Variants in DHX8 observed in about 807,000 individuals in gnomAD.
DHX8 encodes ATP-dependent RNA helicase DHX8.
DHX8 carries 67 observed loss-of-function variants against 140.7 expected under a neutral mutation model. The ratio of observed to expected loss-of-function variants is 0.48; its 90% CI spans 0.39 to 0.58. DHX8 has a LOEUF of 0.58. Ranked by LOEUF, DHX8 falls within the 20% of genes least tolerant of loss-of-function variation. The probability of loss-of-function intolerance (pLI) is 0.00; values close to 1 mark genes in which losing one functional copy is unlikely to be tolerated. For synonymous variants in DHX8, 533 were observed against 553.2 expected, an observed-to-expected ratio of 0.96 and a Z score of 0.51; for missense variants, 887 against 1,550.7, an observed-to-expected ratio of 0.57 and a Z score of 7.19.
chr17:43,528,476 C>G (rs781418149), downstream of DHX8: 5 of 1,353,500 alleles, frequency 3.7e-6, no homozygotes, highest in African/African-American at 2.9e-5. Context: ...TATATGTACA[C>G]AGGGCAGCAC....
chr17:43,529,191 A>C, downstream of DHX8: 1 of 1,613,926 alleles, frequency 6.2e-7, no homozygotes, highest in Non-Finnish European at 8.5e-7. Context: ...AGCTTGTCGT[A>C]ATTCATGGCT....
intron 12 of DHX8, 56 bp from the exon 13 acceptor site, chr17:43,506,947 C>T (rs114200706): frequency 7.5e-7 from 1 of 1,332,074 alleles, no homozygotes; most frequent in African/African-American, 1.5e-5. Flanking sequence ...TGTTTAATGA[C>T]CATATTTATA....
intron 2 of DHX8, chr17:43,532,713 C>A: frequency 6.2e-7 from 1 of 1,613,816 alleles, no homozygotes; most frequent in Admixed American, 1.7e-5. Flanking sequence ...TGTTTGATCA[C>A]CACCCCCGCC....
chr17:43,536,638 A>G (rs937151903), intron 3 of DHX8: 22 of 621,640 alleles, frequency 3.5e-5, no homozygotes, highest in Non-Finnish European at 5.7e-5. Context: ...GGCCACACAT[A>G]AAATACACAA....
intron 17 of DHX8, among the ~76,000 whole-genome samples, chr17:43,516,128 G>T (rs1970103240): frequency 6.6e-6 from 1 of 151,762 alleles, no homozygotes; most frequent in Non-Finnish European, 1.5e-5. Flanking sequence ...TTTCTTTCAT[G>T]GTTGCAATTT....
intron 17 of DHX8, among the ~76,000 whole-genome samples, chr17:43,515,677 C>T (rs988327479): frequency 6.6e-6 from 1 of 152,272 alleles, no homozygotes; most frequent in East Asian, 1.9e-4. Flanking sequence ...TAGCCTGGCT[C>T]CAGCTTGTAT....
Position 43,524,762 on chromosome 17 carries a change from A to T in DHX8, c.*915A>T, listed in dbSNP as rs1256375472. ...TTTTTTCCCCTGAGGTCCTGGATGG[A>T]CTTTAACAAAGGGATTTTATGGTCA... On this transcript the variant is annotated 3_prime_UTR_variant, in exon 23 of 23. Coordinates refer to ENST00000262415, the MANE Select transcript of DHX8 (RefSeq NM_004941.3). The T allele has an allele frequency of 1.8e-5, 18 of 985,104 alleles. No homozygotes were observed. Among genetic ancestry groups the T allele is most frequent in the Non-Finnish European group, 2.2e-5 (18 of 829,898 alleles). The allele number at this position is 985,104 out of a possible 1,614,324, so 61.0% of individuals were successfully genotyped here.
chr17:43,526,587 G>C, downstream of DHX8: 1 of 1,535,674 alleles, frequency 6.5e-7, no homozygotes, highest in South Asian at 1.2e-5. Flanking sequence ...ACTGGGACTG[G>C]TGACTTGTTA....
intron 3 of DHX8, among the ~76,000 whole-genome samples, chr17:43,543,190 T>G (rs796538392): frequency 9.5e-5 from 8 of 83,990 alleles, no homozygotes; most frequent in African/African-American, 3.7e-4. Context: ...CCCACCCCCC[T>G]CACCTCCGCC....
At chr17:43,515,344 A>G (rs1970051457) in intron 17 of DHX8, among the ~76,000 whole-genome samples, 1 of 152,162 alleles carries the variant, frequency 6.6e-6, no homozygotes, top group Non-Finnish European at 1.5e-5. Flanking sequence ...GCATGCCGCC[A>G]TGACCACCTA....
intron 2 of DHX8, chr17:43,533,479 C>T (rs1302970772): frequency 3.5e-5 from 30 of 859,568 alleles, no homozygotes; most frequent in Non-Finnish European, 3.7e-5. Context: ...GAGAAGGGAA[C>T]GGCAGGAGCC....
At chr17:43,500,287 C>T (rs1040127101) in intron 11 of DHX8, among the ~76,000 whole-genome samples, 184 bp downstream of exon 11, 1 of 152,004 alleles carries the variant, frequency 6.6e-6, no homozygotes, top group African/African-American at 2.4e-5. Flanking sequence ...GAGTTCGAGA[C>T]CGACCTGGCC....
chr17:43,512,480 G>A (rs1969897167), intron 16 of DHX8, among the ~76,000 whole-genome samples: 1 of 152,102 alleles, frequency 6.6e-6, no homozygotes, highest in Non-Finnish European at 1.5e-5. Flanking sequence ...GGGAAGAAGG[G>A]TGAGGGAAGT....
chr17:43,533,407 C>T (rs1321877117), intron 2 of DHX8: 36 of 1,508,702 alleles, frequency 2.4e-5, no homozygotes, highest in South Asian at 8.2e-5. Context: ...CATCTTTGAA[C>T]CCTTCATTCC....
chr17:43,526,361 G>A, downstream of DHX8: 1 of 1,473,818 alleles, frequency 6.8e-7, no homozygotes, highest in Non-Finnish European at 9.0e-7. Flanking sequence ...CACACATGCT[G>A]AGTGTGCTGT....
At chr17:43,528,521 A>G (rs775984025), downstream of DHX8, 1 of 1,603,126 alleles carries the variant, frequency 6.2e-7, no homozygotes, top group African/African-American at 1.3e-5. Context: ...GCTGGGGGCT[A>G]GTAAGAGTAG....
Position 43,493,535 on chromosome 17 carries a change from G to A in DHX8, c.954G>A (p.Arg318=), listed in dbSNP as rs1968668084. 2.5e-6 allele frequency: 4 copies of A among 1,614,148 alleles called. No individual in the cohort carries two copies. In the African/African-American group the frequency reaches 4.0e-5, roughly 16 times the overall value. The part of the protein sequence containing the change: ...NVADVVSKGQ[R]VKVKVLSFTG... ...CTGATGTCGTGAGCAAAGGCCAGAG[G>A]GTCAAAGTCAAAGTGCTGTCCTTCA... Residue 318 remains arginine, a synonymous_variant, in exon 7 of 23, where the codon AGG becomes AGA. Coordinates refer to ENST00000262415, the MANE Select transcript of DHX8 (RefSeq NM_004941.3).
At chr17:43,511,290 A>G (rs1472696720) in intron 16 of DHX8, among the ~76,000 whole-genome samples, 3 of 152,078 alleles carry the variant, frequency 2.0e-5, no homozygotes, top group Non-Finnish European at 2.9e-5. Flanking sequence ...AGATCGTGCC[A>G]TTGCACTCCA....
chr17:43,517,143 G>A (rs1464624062), intron 17 of DHX8, 24 bp from the exon 18 acceptor site: 1 of 1,600,354 alleles, frequency 6.2e-7, no homozygotes, highest in South Asian at 1.1e-5. Flanking sequence ...CAGATATGTT[G>A]CTTTTATATG....
Sources: gnomAD v4.1 joint callset for allele counts (sites outside exome capture counted in the v4.1 genomes callset) on GRCh38, gnomAD v4.1.1 for gene constraint, MANE v1.5 for transcripts, NCBI Gene and HGNC (gene_info 2026-07-23, HGNC 2026-07-21) for gene names.